The following SLC2A5 variants were observed in gnomAD, a reference collection of about 807,000 sequenced individuals.
SLC2A5 encodes solute carrier family 2 member 5.
Under a neutral mutation model 50.3 loss-of-function variants are expected in SLC2A5, and 56 were observed. The ratio of observed to expected loss-of-function variants is 1.11; its 90% CI spans 0.90 to 1.39. The LOEUF (loss-of-function observed/expected upper bound fraction) is 1.39, where lower values mean the gene tolerates loss of function less well. Among genes scored for constraint, SLC2A5 ranks in the 40% most tolerant of loss-of-function variants. SLC2A5 has a pLI of 0.00. For synonymous variants in SLC2A5, 269 were observed against 281.9 expected (o/e 0.95, Z 0.46); for missense variants, 566 against 650.1 (o/e 0.87, Z 1.41).
At chr1:9,041,231 C>T (rs542215548) in intron 5 of SLC2A5, 28 of 397,690 alleles carry the variant, frequency 7.0e-5, no homozygotes, top group African/African-American at 4.1e-4. Context: ...AAAACAACCC[C>T]GGTTACAGGT....
At chr1:9,070,837 T>C (rs531192276), upstream of SLC2A5, among the ~76,000 whole-genome samples, 1 of 148,364 alleles carries the variant, frequency 6.7e-6, no homozygotes, top group African/African-American at 2.4e-5. Flanking sequence ...CGTGGCCGTC[T>C]GTGTGTGTGT....
intron 2 of SLC2A5, among the ~76,000 whole-genome samples, chr1:9,076,832 C>G (rs1207615828): frequency 1.3e-5 from 2 of 150,980 alleles, no homozygotes; most frequent in African/African-American, 4.8e-5. Flanking sequence ...TCTTGTTGCC[C>G]AGACTGGAAT....
chr1:9,074,224 T>C (rs945808459), upstream of SLC2A5, among the ~76,000 whole-genome samples: 1 of 152,176 alleles, frequency 6.6e-6, no homozygotes, highest in Non-Finnish European at 1.5e-5. Context: ...GCTTAGCAAC[T>C]GTAAACCAAA....
chr1:9,062,874 A>AAAAT (rs1047963000), intron 1 of SLC2A5, among the ~76,000 whole-genome samples: 4 of 149,138 alleles, frequency 2.7e-5, no homozygotes, highest in East Asian at 2.0e-4. Flanking sequence ...TCTGTCTCAA[A>AAAAT]AAATAAATAA....
intron 1 of SLC2A5, among the ~76,000 whole-genome samples, chr1:9,069,033 A>G (rs1642156417): frequency 6.6e-6 from 1 of 152,230 alleles, no homozygotes; most frequent in African/African-American, 2.4e-5. Context: ...CAGGAAACCT[A>G]CGTGACAGAT....
chr1:9,050,117 C>CA (rs377598557), intron 3 of SLC2A5, among the ~76,000 whole-genome samples: 55 of 149,092 alleles, frequency 3.7e-4, no homozygotes, highest in African/African-American at 7.6e-4. Context: ...ACTAAAAATA[C>CA]AAAAAAAAAA....
chr1:9,093,479 T>C, the SLC2A5 span, among the ~76,000 whole-genome samples: 5,366 of 152,212 alleles, frequency 0.035, 325 homozygotes, highest in East Asian at 0.24. Flanking sequence ...TCTCCCAAAC[T>C]TTCATCACTT....
At chr1:9,085,712 G>A (rs754937839) in intron 1 of SLC2A5, among the ~76,000 whole-genome samples, 5 of 152,216 alleles carry the variant, frequency 3.3e-5, no homozygotes, top group Non-Finnish European at 5.9e-5. Context: ...TGTGTCGGGA[G>A]GGCGGCTTAG....
At chr1:9,088,508 T>G (rs571531140), upstream of SLC2A5, 15 of 152,546 alleles carry the variant, frequency 9.8e-5, no homozygotes, top group African/African-American at 3.4e-4. Context: ...TTCAACTGGG[T>G]GCAGTGGCTC....
intron 2 of SLC2A5, among the ~76,000 whole-genome samples, chr1:9,076,756 G>A (rs1350478866): frequency 6.6e-6 from 1 of 151,648 alleles, no homozygotes; most frequent in East Asian, 1.9e-4. Flanking sequence ...CTGAATTTAT[G>A]TTCCTATCAG....
intron 8 of SLC2A5, 50 bp from the exon 9 acceptor site, chr1:9,038,979 C>T: frequency 1.3e-6 from 2 of 1,577,420 alleles, no homozygotes; most frequent in Non-Finnish European, 1.7e-6. Context: ...CTTCACCTCC[C>T]TCCAGCCCCC....
chr1:9,037,865 G>C (rs1222839707), intron 11 of SLC2A5, 32 bp downstream of exon 11: 1 of 1,613,660 alleles, frequency 6.2e-7, no homozygotes, highest in African/African-American at 1.3e-5. Context: ...ATGGGGATCT[G>C]GTGGTGAGCG....
intron 2 of SLC2A5, among the ~76,000 whole-genome samples, chr1:9,082,511 C>T (rs1642365542): frequency 6.6e-6 from 1 of 151,962 alleles, no homozygotes. Context: ...TCCCAGAGTT[C>T]AAGTCTAGCC....
chr1:9,039,572 C>A lies in SLC2A5; in HGVS notation c.976G>T (p.Val326Leu), dbSNP rs1401721913. 1 of 1,574,500 alleles carries A rather than the reference C, an allele frequency of 6.4e-7. No homozygotes were observed. Among genetic ancestry groups the A allele is most frequent in the East Asian group, 2.4e-5 (1 of 42,114 alleles). ...CTCACGGCGCAGAAGGTCATGACCA[C>A]GTTCACGGCCCCGGTGCCGGCCGTC... ...YVTAGTGAVNVVMTFCAVFVV... is the reference protein window; with the variant it reads ...YVTAGTGAVNLVMTFCAVFVV... The change falls in exon 8 of 12, where the codon GTG (valine) becomes TTG (leucine). Residue 326 changes from valine to leucine, a missense_variant. Val to Leu is a conservative substitution (Grantham distance 32). Coordinates refer to ENST00000377424, the MANE Select transcript of SLC2A5 (RefSeq NM_003039.3).
chr1:9,074,010 G>A (rs1642254260), upstream of SLC2A5, among the ~76,000 whole-genome samples: 1 of 152,088 alleles, frequency 6.6e-6, no homozygotes, highest in African/African-American at 2.4e-5. Flanking sequence ...AACCCAGGTA[G>A]TGGAGGTTGC....
upstream of SLC2A5, among the ~76,000 whole-genome samples, chr1:9,073,863 G>A (rs114711702): frequency 6.4e-3 from 978 of 152,236 alleles, 14 homozygotes; most frequent in African/African-American, 0.021. Flanking sequence ...CAAGGCAGGC[G>A]GATTACAGGA....
chr1:9,076,297 G>A (rs954579598), intron 2 of SLC2A5, among the ~76,000 whole-genome samples: 1 of 152,110 alleles, frequency 6.6e-6, no homozygotes, highest in Non-Finnish European at 1.5e-5. Context: ...AGGAGTGAAA[G>A]GCCCAAAGAC....
chr1:9,040,243 G>T lies in SLC2A5; in HGVS notation c.572-54C>A. The T allele has an allele frequency of 6.5e-7, 1 of 1,526,880 alleles. No homozygotes were observed. The highest frequency in any genetic ancestry group is 8.8e-7 in the Non-Finnish European group (1 of 1,141,378). The allele number at this position is 1,526,880 out of a possible 1,614,324, so 94.6% of individuals were successfully genotyped here. On this transcript the variant is annotated intron_variant, in intron 5 of 11. Coordinates refer to ENST00000377424, the MANE Select transcript of SLC2A5 (RefSeq NM_003039.3). This position sits in a 1 kb window ranked among gnomAD's most constrained non-coding sequence, Gnocchi z 4.3. ...GCGGCCTCCCCACCACCCCGAAGGCGCCCTCTGCAGAGCCGGCCCCAGCCC... is the reference window on the plus strand; with the variant it reads ...GCGGCCTCCCCACCACCCCGAAGGCTCCCTCTGCAGAGCCGGCCCCAGCCC...
chr1:9,046,949 C>T (rs60120534), intron 4 of SLC2A5, among the ~76,000 whole-genome samples: 1,636 of 151,896 alleles, frequency 0.011, 29 homozygotes, highest in African/African-American at 0.037. Context: ...CTCATGAGAT[C>T]GGATGGTTTT....
Sources: allele counts gnomAD v4.1 joint callset (sites outside exome capture counted in the v4.1 genomes callset), GRCh38; gene constraint gnomAD v4.1.1; non-coding constraint Gnocchi (gnomAD v3.1); transcripts MANE v1.5; gene names NCBI Gene and HGNC (gene_info 2026-07-23, HGNC 2026-07-21).